The following RRP12 variants were observed in gnomAD, a reference collection of about 807,000 sequenced individuals.
RRP12 encodes the protein RRP12-like protein.
Under a neutral mutation model 157.3 loss-of-function variants are expected in RRP12, and 78 were observed. The ratio of observed to expected loss-of-function variants is 0.50; its 90% CI spans 0.41 to 0.60. The LOEUF is 0.60. RRP12 is among the 20% of genes least tolerant of loss of function. The probability of loss-of-function intolerance (pLI) is 0.00; values close to 1 mark genes in which losing one functional copy is unlikely to be tolerated. For synonymous variants in RRP12, 726 were observed against 670.9 expected, an observed-to-expected ratio of 1.08 and a Z score of -1.27; for missense variants, 1,521 against 1,679.9, an observed-to-expected ratio of 0.91 and a Z score of 1.65.
At chr10:97,367,343 C>CT (rs1022899264) in intron 25 of RRP12, 2 of 593,376 alleles carry the variant, frequency 3.4e-6, no homozygotes, top group African/African-American at 1.9e-5. Context: ...GGACACAGGC[C>CT]TGAGCACCCT....
At chr10:97,370,399 C>T in intron 23 of RRP12, 56 bp downstream of exon 23, 1 of 1,402,752 alleles carries the variant, frequency 7.1e-7, no homozygotes, top group Non-Finnish European at 9.9e-7. Context: ...TTGAGGGGTG[C>T]TTCCCCCCAC....
intron 19 of RRP12, 49 bp from the exon 20 acceptor site, chr10:97,372,215 C>A: frequency 6.9e-7 from 1 of 1,444,456 alleles, no homozygotes; most frequent in Non-Finnish European, 9.7e-7. Flanking sequence ...TGGAGAAGGG[C>A]GCAGACTACC....
chr10:97,390,916 T>A, intron 4 of RRP12, 72 bp from the exon 5 acceptor site: 2 of 1,026,626 alleles, frequency 1.9e-6, no homozygotes, highest in Non-Finnish European at 3.1e-6. Context: ...CTCGTGGTAC[T>A]AAGGAGGACA....
intron 29 of RRP12, chr10:97,365,766 TA>T (rs541108198): frequency 0.057 from 9,819 of 171,302 alleles, no homozygotes; most frequent in South Asian, 0.14. Flanking sequence ...AAGTTTGCAT[TA>T]AAAAAAAAAA....
rs541547101 is a variant in RRP12 at position 97,365,341 on chromosome 10, T to C, written c.3517+767A>G. On this transcript the variant is annotated intron_variant, in intron 29 of 33. Coordinates refer to ENST00000370992, the MANE Select transcript of RRP12 (RefSeq NM_015179.4). Reference sequence around the variant, plus strand: ...CAGGCTGGAGAGCAGTGGCACAATCTTGGCTCACTGCAAGCTCTGCCTCCT... The same window carrying C: ...CAGGCTGGAGAGCAGTGGCACAATCCTGGCTCACTGCAAGCTCTGCCTCCT... Among the ~76,000 whole-genome samples, 3 of 150,062 alleles carry C rather than the reference T, an allele frequency of 2.0e-5. No homozygotes were observed. The South Asian group carries it at 6.4e-4, about 32-fold the overall frequency.
chr10:97,362,177 A>G (rs1589409828), intron 30 of RRP12, among the ~76,000 whole-genome samples: 1 of 151,122 alleles, frequency 6.6e-6, no homozygotes, highest in African/African-American at 2.4e-5. Context: ...CAGTGGCAGG[A>G]GCCAGCCACA....
At chr10:97,381,946 C>T (rs539678953) in intron 10 of RRP12, 120 bp from the exon 11 acceptor site, 3 of 655,712 alleles carry the variant, frequency 4.6e-6, no homozygotes, top group Non-Finnish European at 8.0e-6. Flanking sequence ...ATCTGCAGGG[C>T]TCCGTAGGGC....
rs1233936665 is a variant in RRP12, at chr10:97,369,479, C to T, written c.2901G>A (p.Lys967=). The T allele has an allele frequency of 6.2e-6, 10 of 1,611,518 alleles. 1 individual carries two copies. The highest frequency in any genetic ancestry group is 8.5e-6 in the Non-Finnish European group (10 of 1,178,950). ...CCACGTCCATGACAGTCACTGCCAC[C>T]TTGATGAAGCCCAGTGCAGACTTGA... The part of the protein sequence containing the change: ...DVVKSALGFI[K]VAVTVMDVAH... The change falls in exon 25 of 34, where the codon AAG becomes AAA. Residue 967 remains lysine (K), a synonymous_variant. Coordinates refer to ENST00000370992, the MANE Select transcript of RRP12 (RefSeq NM_015179.4).
intron 13 of RRP12, among the ~76,000 whole-genome samples, chr10:97,380,380 GGATCCCTGAGT>G (rs1301450244): frequency 6.6e-6 from 1 of 152,204 alleles, no homozygotes; most frequent in African/African-American, 2.4e-5. Context: ...GGTCTGCTCA[GGATCCCTGAGT>G]GATCCCTGAT....
intron 25 of RRP12, among the ~76,000 whole-genome samples, chr10:97,368,428 G>A (rs1810982): frequency 0.055 from 8,301 of 151,948 alleles, 281 homozygotes; most frequent in Non-Finnish European, 0.063. Context: ...TGCAATCTTG[G>A]CTCACTGCAA....
chr10:97,387,826 C>T (rs1844678141), intron 8 of RRP12, among the ~76,000 whole-genome samples: 1 of 150,990 alleles, frequency 6.6e-6, no homozygotes. Context: ...CCTGTAATCC[C>T]AGCTACTTGG....
rs141168729 is a variant in RRP12 at position 97,371,075 on chromosome 10, C to T, written c.2350G>A (p.Ala784Thr). 147 of 1,613,318 alleles carry T rather than the reference C, an allele frequency of 9.1e-5. No individual in the cohort carries two copies. The African/African-American group carries it at 1.8e-3, about 20-fold the overall frequency. ...TAGGCCTTCTTCTGCACCCCGTGGGCCTTGCTCTGGCAGACAGGAACCGGT... is the reference window on the plus strand; with the variant it reads ...TAGGCCTTCTTCTGCACCCCGTGGGTCTTGCTCTGGCAGACAGGAACCGGT... ...STIRPYLESK[A>T]HGVQKKAYRV... Residue 784 changes from alanine (A) to threonine (T), a missense_variant, in exon 21 of 34, where the codon GCC becomes ACC. Coordinates refer to ENST00000370992, the MANE Select transcript of RRP12 (RefSeq NM_015179.4).
Position 97,379,711 on chromosome 10 carries a change from A to T in RRP12, c.1593T>A (p.Leu531=). 6.2e-7 allele frequency: 1 copy of T among 1,614,020 alleles called. No individual in the cohort carries two copies. The highest frequency in any genetic ancestry group is 8.5e-7 in the Non-Finnish European group (1 of 1,179,964). ...LSPHFPHTAA[L]DQAVGAAVTS... ...TCACCGCAGCCCCCACTGCCTGGTC[A>T]AGAGCCGCCGTGTGGGGGAAATGAG... Residue 531 remains leucine, a synonymous_variant, in exon 14 of 34, where the codon CTT becomes CTA. Transcript: ENST00000370992.
chr10:97,396,590 GGT>G (rs750281790), intron 2 of RRP12, among the ~76,000 whole-genome samples: 4 of 152,132 alleles, frequency 2.6e-5, no homozygotes, highest in Non-Finnish European at 5.9e-5. Flanking sequence ...AAATTGGAAT[GGT>G]CAAGAAGCCA....
chr10:97,369,656 C>G (rs1844087787), intron 24 of RRP12, 74 bp from the exon 25 acceptor site: 1 of 1,449,362 alleles, frequency 6.9e-7, no homozygotes, highest in Admixed American at 2.1e-5. Flanking sequence ...CACTGGAAAA[C>G]AGCCACTCAA....
Position 97,369,425 on chromosome 10 carries a change from C to T in RRP12, c.2955G>A (p.Val985=), listed in dbSNP as rs770548358. Residue 985 remains valine (V), a splice_region_variant and synonymous_variant, in exon 25 of 34, where the codon GTG becomes GTA. Coordinates refer to ENST00000370992, the MANE Select transcript of RRP12 (RefSeq NM_015179.4). ...VAHLAKHVQL[V]MEAIGKLSDD... ...TGCTAAGGGGAACGGGGACACTCAC[C>T]ACCAGCTGCACATGTTTGGCCAGGT... 3.1e-6 allele frequency: 5 copies of T among 1,611,344 alleles called. No individual in the cohort carries two copies. Among genetic ancestry groups the T allele is most frequent in the Non-Finnish European group, 4.2e-6 (5 of 1,179,002 alleles).
chr10:97,361,404 C>G (rs1371812569), intron 30 of RRP12, among the ~76,000 whole-genome samples: 1 of 152,164 alleles, frequency 6.6e-6, no homozygotes, highest in African/African-American at 2.4e-5. Context: ...CAGAGGTGGC[C>G]CCAGCTGGCA....
intron 3 of RRP12, 62 bp from the exon 4 acceptor site, chr10:97,393,822 G>A: frequency 1.5e-6 from 2 of 1,373,802 alleles, no homozygotes; most frequent in Non-Finnish European, 2.1e-6. Context: ...ACAGGAAAGA[G>A]AGTGGGGGAA....
intron 15 of RRP12, among the ~76,000 whole-genome samples, chr10:97,377,054 A>G (rs557258808): frequency 6.6e-6 from 1 of 151,682 alleles, no homozygotes; most frequent in African/African-American, 2.4e-5. Flanking sequence ...TAATTTTTGT[A>G]CTTTTAGTAG....
Sources: allele counts gnomAD v4.1 joint callset (sites outside exome capture counted in the v4.1 genomes callset), GRCh38; gene constraint gnomAD v4.1.1; transcripts MANE v1.5; gene names NCBI Gene and HGNC (gene_info 2026-07-23, HGNC 2026-07-21).